SEMA4B: variants seen among roughly 807,000 people sequenced by gnomAD.
The protein encoded by SEMA4B is semaphorin-4B.
A neutral mutation model predicts 88.1 loss-of-function variants in SEMA4B; 55 were observed. The observed-to-expected ratio is 0.62, with a 90% confidence interval of 0.50 to 0.78. The LOEUF is 0.78. SEMA4B is among the 30% of genes least tolerant of loss of function. The probability of loss-of-function intolerance (pLI) is 0.00; values close to 1 mark genes in which losing one functional copy is unlikely to be tolerated. For missense variants in SEMA4B, 1,062 were observed against 1,111.9 expected (o/e 0.96, Z 0.64); for synonymous variants, 525 against 473.6 (o/e 1.11, Z -1.41).
At chr15:90,208,247 T>G (rs1961087768) in intron 1 of SEMA4B, among the ~76,000 whole-genome samples, 1 of 148,710 alleles carries the variant, frequency 6.7e-6, no homozygotes, top group African/African-American at 2.5e-5. Context: ...AGAGCAAAAC[T>G]CCATCTCAAA....
chr15:90,225,582 A>G, intron 11 of SEMA4B, 79 bp from the exon 12 acceptor site: 1 of 1,490,166 alleles, frequency 6.7e-7, no homozygotes, highest in Non-Finnish European at 9.1e-7. Flanking sequence ...TGGCTCTGGG[A>G]GGCATACAAG....
intron 1 of SEMA4B, among the ~76,000 whole-genome samples, chr15:90,211,330 C>T (rs1463149424): frequency 4.6e-5 from 7 of 152,178 alleles, no homozygotes; most frequent in Non-Finnish European, 7.4e-5. Context: ...AATGGCTTTC[C>T]GGGGCATGCC....
At chr15:90,200,499 C>G (rs1382554888), upstream of SEMA4B, among the ~76,000 whole-genome samples, 2 of 152,218 alleles carry the variant, frequency 1.3e-5, no homozygotes, top group Non-Finnish European at 2.9e-5. Flanking sequence ...TTGGGATCCA[C>G]TAAATTGATT....
At chr15:90,221,559 G>C in intron 6 of SEMA4B, 55 bp from the exon 7 acceptor site, 1 of 1,609,308 alleles carries the variant, frequency 6.2e-7, no homozygotes, top group Non-Finnish European at 8.5e-7. Flanking sequence ...CCCCCAGCTT[G>C]GCCTGTCTCC....
chr15:90,220,733 C>T (rs534157839), intron 4 of SEMA4B, among the ~76,000 whole-genome samples: 14 of 122,756 alleles, frequency 1.1e-4, no homozygotes, highest in Admixed American at 9.3e-4. Context: ...TGTCCCGCGT[C>T]GGGTCACTGT....
chr15:90,189,922 A>G (rs1960294919), intron 1 of SEMA4B, among the ~76,000 whole-genome samples: 2 of 152,248 alleles, frequency 1.3e-5, no homozygotes, highest in African/African-American at 4.8e-5. Flanking sequence ...CATTCATAGA[A>G]GAGGTGGCTG....
chr15:90,225,388 C>G lies in SEMA4B; in HGVS notation c.1512C>G (p.Asp504Glu). The G allele has an allele frequency of 6.4e-7, 1 of 1,551,020 alleles. No individual in the cohort carries two copies. Among genetic ancestry groups the G allele is most frequent in the Non-Finnish European group, 8.7e-7 (1 of 1,147,670 alleles). ...SGQPVQNLLL[D>E]THRGLLYAAS... is the part of the protein sequence containing the mutation. ...AGCCCGTGCAGAATCTGCTCCTGGA[C>G]ACCCACAGGGTGAGCAGGCCAACGA... The change falls in exon 11 of 14, where the codon GAC becomes GAG. Residue 504 changes from aspartate (D) to glutamate (E), a missense_variant. By Grantham distance (45) the Asp-to-Glu change is conservative. Transcript: ENST00000411539.
At chr15:90,218,181 G>A (rs761831919) in intron 3 of SEMA4B, among the ~76,000 whole-genome samples, 13 of 152,180 alleles carry the variant, frequency 8.5e-5, no homozygotes, top group Non-Finnish European at 1.8e-4. Context: ...CAGAGATTGG[G>A]TGGGGTGAGA....
chr15:90,200,331 C>G (rs142164242), upstream of SEMA4B, among the ~76,000 whole-genome samples: 36 of 152,308 alleles, frequency 2.4e-4, no homozygotes, highest in East Asian at 6.7e-3. Flanking sequence ...CTAGCAGAGG[C>G]TTTCACTCTT....
intron 1 of SEMA4B, among the ~76,000 whole-genome samples, chr15:90,215,472 C>T (rs1368529364): frequency 2.6e-5 from 4 of 152,220 alleles, no homozygotes; most frequent in Middle Eastern, 3.4e-3. Context: ...GTAGATAATT[C>T]GTGTCTTTCC....
At chr15:90,201,769 G>A (rs1960754677) in intron 1 of SEMA4B, 34 bp downstream of exon 1, 4 of 1,382,920 alleles carry the variant, frequency 2.9e-6, no homozygotes, top group Middle Eastern at 2.6e-4. Flanking sequence ...GCGGGCCGGG[G>A]GAAGGAAGGC....
At chr15:90,222,339 G>T (rs754655967) in intron 7 of SEMA4B, among the ~76,000 whole-genome samples, 5 of 150,758 alleles carry the variant, frequency 3.3e-5, no homozygotes, top group Non-Finnish European at 5.9e-5. Flanking sequence ...GGAGGCCAAG[G>T]TGGGTGGATC....
chr15:90,223,455 C>G, intron 7 of SEMA4B, 104 bp from the exon 8 acceptor site: 1 of 1,030,178 alleles, frequency 9.7e-7, no homozygotes, highest in Non-Finnish European at 1.4e-6. Flanking sequence ...TCCTGCCCTT[C>G]AGTCCTGGTG....
At position 90,224,923 on chromosome 15, in the gene SEMA4B, C is replaced by CG. The variant is rs771431718; in HGVS notation, c.1195-45_1195-44insG. 9.4e-5 allele frequency: 145 copies of CG among 1,543,144 alleles called. No homozygotes were observed. The African/African-American group carries it at 1.7e-3, about 18-fold the overall frequency. On this transcript the variant is annotated intron_variant, in intron 9 of 13. Transcript: ENST00000411539. The stretch of plus-strand genomic sequence containing the variant: ...GAAGCAGGGCCCGCATCCTGCCTGC[C>CG]ACCCCGAGGTGTGGCTGGCCTCACA...
intron 2 of SEMA4B, 28 bp from the exon 3 acceptor site, chr15:90,217,739 C>T (rs760669669): frequency 5.0e-6 from 8 of 1,611,472 alleles, no homozygotes; most frequent in South Asian, 1.1e-5. Context: ...CCATTTTGTC[C>T]ACTACCTTCC....
rs1199438857 is a variant in SEMA4B at position 90,186,555 on chromosome 15, G to T, written c.-122+1474G>T. On this transcript the variant is annotated intron_variant, in intron 1 of 14. Coordinates refer to the SEMA4B transcript ENST00000332496. ...AATCGCTTGAATCTGGGAGGCGGAG[G>T]TTCCCTGAGCCAGCCGAGATTGTGA... Among the ~76,000 whole-genome samples, 6 of 152,130 alleles carry T rather than the reference G, an allele frequency of 3.9e-5. 1 individual carries two copies. The highest frequency in any genetic ancestry group is 1.2e-4 in the African/African-American group (5 of 41,530).
rs181107911 is a variant in SEMA4B at position 90,190,038 on chromosome 15, C to T, written c.-122+4957C>T. 1.2e-4 allele frequency among the ~76,000 whole-genome samples: 19 copies of T among 152,312 alleles called. No individual in the cohort carries two copies. In the East Asian group the frequency reaches 3.3e-3, roughly 26 times the overall value. Reference sequence around the variant, plus strand: ...GCCCCGTGGGTGCGTCCTCTTAGAGCCCACTCTCCTGCTAGGGCCAAGCTG... The same window carrying T: ...GCCCCGTGGGTGCGTCCTCTTAGAGTCCACTCTCCTGCTAGGGCCAAGCTG... On this transcript the variant is annotated intron_variant, in intron 1 of 14. Coordinates refer to the SEMA4B transcript ENST00000332496.
Position 90,223,567 on chromosome 15 carries a change from G to A in SEMA4B, c.870G>A (p.Glu290=). The A allele has an allele frequency of 6.3e-7, 1 of 1,593,010 alleles. No individual in the cohort carries two copies. Among genetic ancestry groups the A allele is most frequent in the Non-Finnish European group, 8.6e-7 (1 of 1,167,680 alleles). ...TCCGACTCTCCCTCCAGGGCGATGAGGGTGGAGAGCGGGTGCTACAGCAGC... is the reference window on the plus strand; with the variant it reads ...TCCGACTCTCCCTCCAGGGCGATGAAGGTGGAGAGCGGGTGCTACAGCAGC... ...SRIARICKGD[E]GGERVLQQRW... is the part of the protein sequence containing the mutation. The change falls in exon 8 of 14, where the codon GAG becomes GAA. Residue 290 remains glutamate, a synonymous_variant. Coordinates refer to ENST00000411539, the MANE Select transcript of SEMA4B (RefSeq NM_198925.4).
At chr15:90,204,003 T>C (rs1960871433) in intron 1 of SEMA4B, among the ~76,000 whole-genome samples, 2 of 151,760 alleles carry the variant, frequency 1.3e-5, no homozygotes, top group African/African-American at 4.8e-5. Flanking sequence ...TACTCTTACC[T>C]ACGTGCAGGT....
Sources: allele counts gnomAD v4.1 joint callset (sites outside exome capture counted in the v4.1 genomes callset), GRCh38; gene constraint gnomAD v4.1.1; transcripts MANE v1.5; gene names NCBI Gene and HGNC (gene_info 2026-07-23, HGNC 2026-07-21).